The following ENTPD1 variants were observed in gnomAD, a reference collection of about 807,000 sequenced individuals.
ENTPD1 encodes ATP diphosphohydrolase.
In ENTPD1, 33 loss-of-function variants were observed where a neutral mutation model predicts 57.0. That is an observed-to-expected ratio of 0.58 (90% CI 0.44 to 0.77). The LOEUF (loss-of-function observed/expected upper bound fraction) is 0.77. Among genes scored for constraint, ENTPD1 ranks in the 30% least tolerant of loss-of-function variants. The probability of loss-of-function intolerance (pLI) is 0.00; values close to 1 mark genes in which losing one functional copy is unlikely to be tolerated. For synonymous variants in ENTPD1, 202 were observed against 218.8 expected (o/e 0.92, Z 0.68); for missense variants, 501 against 603.4 (o/e 0.83, Z 1.78).
At position 95,842,487 on chromosome 10, in the gene ENTPD1, T is replaced by A. The variant is rs1590112829; in HGVS notation, c.406T>A (p.Leu136Met). The A allele has an allele frequency of 6.2e-7, 1 of 1,614,026 alleles. No homozygotes were observed. The highest frequency in any genetic ancestry group is 1.3e-5 in the African/African-American group (1 of 75,020). ...CCTGGGAGCCACGGCAGGCATGCGGTTGCTCAGGTATAGCAGCATGTAGGG... is the reference window on the plus strand; with the variant it reads ...CCTGGGAGCCACGGCAGGCATGCGGATGCTCAGGTATAGCAGCATGTAGGG... ...VYLGATAGMR[L>M]LRMESEELAD... Residue 136 changes from leucine (L) to methionine (M), a missense_variant, in exon 4 of 10, where the codon TTG (leucine) becomes ATG (methionine). By Grantham distance (15) the Leu-to-Met change is conservative. Coordinates refer to ENST00000371205, the MANE Select transcript of ENTPD1 (RefSeq NM_001776.6).
At chr10:95,719,520 A>G (rs1366396565) in intron 1 of ENTPD1, among the ~76,000 whole-genome samples, 1 of 152,222 alleles carries the variant, frequency 6.6e-6, no homozygotes, top group Non-Finnish European at 1.5e-5. Context: ...AAGCCAGTAT[A>G]GGCTGGATAC....
intron 1 of ENTPD1, among the ~76,000 whole-genome samples, chr10:95,797,123 A>G (rs2098229742): frequency 6.6e-6 from 1 of 152,094 alleles, no homozygotes; most frequent in East Asian, 1.9e-4. Context: ...TTTGAGAGGT[A>G]TTTAGTGGGT....
chr10:95,740,646 A>C (rs1259848338), intron 1 of ENTPD1, among the ~76,000 whole-genome samples: 1 of 152,036 alleles, frequency 6.6e-6, no homozygotes, highest in Non-Finnish European at 1.5e-5. Flanking sequence ...ATCTTCTTCC[A>C]AAAGAAGGCT....
Position 95,868,678 on chromosome 10 carries a change from C to T in ENTPD1, c.*2295C>T, listed in dbSNP as rs2098477014. ...CAAATGAGGATCACACAAACTACTACATGGCAGAGCAGATACTCCAACTCA... is the reference window on the plus strand; with the variant it reads ...CAAATGAGGATCACACAAACTACTATATGGCAGAGCAGATACTCCAACTCA... On this transcript the variant is annotated 3_prime_UTR_variant, in exon 10 of 10. Coordinates refer to ENST00000371205, the MANE Select transcript of ENTPD1 (RefSeq NM_001776.6). 1.0e-6 allele frequency: 1 copy of T among 978,508 alleles called. No homozygotes were observed. The highest frequency in any genetic ancestry group is 1.2e-6 in the Non-Finnish European group (1 of 823,782). 60.6% of individuals were successfully genotyped at this position (978,508 alleles called of 1,614,324 possible).
chr10:95,877,107 G>A lies in ENTPD1; in HGVS notation c.*10724G>A, dbSNP rs554931838. The stretch of plus-strand genomic sequence containing the variant: ...TTTAAATTACAAAGTTAAAATTTGG[G>A]AGTAGTAGAAAATCAATTGGTTATC... On this transcript the variant is annotated 3_prime_UTR_variant, in exon 10 of 10. Transcript: ENST00000371205. Among the ~76,000 whole-genome samples the A allele has an allele frequency of 2.0e-5, 3 of 152,300 alleles. No homozygotes were observed. The highest frequency in any genetic ancestry group is 1.9e-4 in the East Asian group (1 of 5,188).
In ENTPD1 at chr10:95,875,114, T is replaced by A. The variant is rs1428446101; in HGVS notation, c.*8731T>A. 6.6e-6 allele frequency: 1 copy of A among 152,250 alleles called. No homozygotes were observed. Among genetic ancestry groups the A allele is most frequent in the Non-Finnish European group, 1.5e-5 (1 of 68,042 alleles). The allele number at this position is 152,250 out of a possible 1,614,324, so 9.4% of individuals were successfully genotyped here. On this transcript the variant is annotated 3_prime_UTR_variant, in exon 10 of 10. Transcript: ENST00000371205. ...TAGGCTCCTTGCTGCTTATGCAAAT[T>A]TCTGCAGCCAGCTTGAATTTCTCCT...
intron 7 of ENTPD1, among the ~76,000 whole-genome samples, chr10:95,859,749 T>C (rs1291730220): frequency 6.6e-6 from 1 of 152,226 alleles, no homozygotes; most frequent in East Asian, 1.9e-4. Flanking sequence ...ATAAACATTT[T>C]ATATGTATCA....
the ENTPD1 span, among the ~76,000 whole-genome samples, chr10:95,703,036 C>T: frequency 1.3e-3 from 191 of 152,166 alleles, no homozygotes; most frequent in Middle Eastern, 3.4e-3. Flanking sequence ...CCACCCGCCT[C>T]GGGCTCCCAA....
intron 1 of ENTPD1, among the ~76,000 whole-genome samples, chr10:95,781,589 T>C (rs2098158403): frequency 6.6e-6 from 1 of 151,880 alleles, no homozygotes. Flanking sequence ...CCATAAAAAT[T>C]AAAAATAAAA....
rs990853136 is a variant in ENTPD1 at position 95,860,687 on chromosome 10, C to G, written c.1188+105C>G. On this transcript the variant is annotated intron_variant, in intron 8 of 9. Coordinates refer to ENST00000371205, the MANE Select transcript of ENTPD1 (RefSeq NM_001776.6). ...AAACTCCTGCTGGTTTGACCAAGATCCAGCAAATGTGTTAGAGAAGACCAG... is the reference window on the plus strand; with the variant it reads ...AAACTCCTGCTGGTTTGACCAAGATGCAGCAAATGTGTTAGAGAAGACCAG... 5.3e-6 allele frequency: 5 copies of G among 942,238 alleles called. No individual in the cohort carries two copies. The African/African-American group carries it at 8.2e-5, about 15-fold the overall frequency. The allele number at this position is 942,238 out of a possible 1,614,324, so 58.4% of individuals were successfully genotyped here.
Position 95,876,406 on chromosome 10 carries a change from AT to A in ENTPD1, c.*10024del. On this transcript the variant is annotated 3_prime_UTR_variant, in exon 10 of 10. Coordinates refer to ENST00000371205, the MANE Select transcript of ENTPD1 (RefSeq NM_001776.6). ...AAGTTTTTCTTGATGGTAAATCATA[AT>A]GTTCCCTTTCTCCTCGGTTCTGCAA... 8.1e-7 allele frequency: 1 copy of A among 1,231,370 alleles called. No individual in the cohort carries two copies. The allele number at this position is 1,231,370 out of a possible 1,614,324, so 76.3% of individuals were successfully genotyped here.
chr10:95,710,230 C>T (rs952150082), upstream of ENTPD1, among the ~76,000 whole-genome samples: 9 of 151,912 alleles, frequency 5.9e-5, no homozygotes, highest in African/African-American at 2.2e-4. Flanking sequence ...TATGGTGAAA[C>T]CCTGTCTCTA....
intron 1 of ENTPD1, among the ~76,000 whole-genome samples, chr10:95,801,410 T>C (rs555454473): frequency 1.3e-5 from 2 of 152,290 alleles, no homozygotes; most frequent in East Asian, 3.9e-4. Flanking sequence ...TTCAGTCTTA[T>C]GCATATGTCT....
At chr10:95,750,615 C>G (rs955130901) in intron 1 of ENTPD1, among the ~76,000 whole-genome samples, 1 of 152,110 alleles carries the variant, frequency 6.6e-6, no homozygotes, top group Non-Finnish European at 1.5e-5. Flanking sequence ...TTCTTTATTG[C>G]AATGCAAAAA....
At chr10:95,743,277 C>G (rs1386960140) in intron 1 of ENTPD1, among the ~76,000 whole-genome samples, 1 of 152,210 alleles carries the variant, frequency 6.6e-6, no homozygotes, top group African/African-American at 2.4e-5. Context: ...AGGAAGACCA[C>G]AGAGTGCCAT....
chr10:95,860,712 G>C (rs1366921358), intron 8 of ENTPD1, 130 bp downstream of exon 8: 2 of 741,006 alleles, frequency 2.7e-6, no homozygotes, highest in South Asian at 3.0e-5. Context: ...GAGAAGACCA[G>C]ATGGTGGACT....
At chr10:95,711,638 G>A (rs2097965658), upstream of ENTPD1, 1 of 317,004 alleles carries the variant, frequency 3.2e-6, no homozygotes, top group African/African-American at 2.1e-5. Flanking sequence ...TGTACAGATG[G>A]AATCTTGCTT....
At chr10:95,739,921 A>C (rs1281468876) in intron 1 of ENTPD1, among the ~76,000 whole-genome samples, 1 of 152,228 alleles carries the variant, frequency 6.6e-6, no homozygotes, top group Non-Finnish European at 1.5e-5. Context: ...GCATAAAAAT[A>C]ACATTCATCT....
intron 1 of ENTPD1, among the ~76,000 whole-genome samples, chr10:95,757,961 C>T (rs1262182070): frequency 7.4e-6 from 1 of 134,694 alleles, no homozygotes; most frequent in Non-Finnish European, 1.5e-5. Flanking sequence ...GCTGAGGTTG[C>T]ACCACTGCAC....
Sources: allele counts gnomAD v4.1 joint callset (sites outside exome capture counted in the v4.1 genomes callset), GRCh38; gene constraint gnomAD v4.1.1; transcripts MANE v1.5; gene names NCBI Gene and HGNC (gene_info 2026-07-23, HGNC 2026-07-21).